The following CLIP4 variants were observed in gnomAD, a reference collection of about 807,000 sequenced individuals.
CLIP4 encodes CAP-Gly domain-containing linker protein 4.
CLIP4 carries 47 observed loss-of-function variants against 73.1 expected under a neutral mutation model. That is an observed-to-expected ratio of 0.64 (90% CI 0.51 to 0.82). The LOEUF (loss-of-function observed/expected upper bound fraction) is 0.82, where lower values mean the gene tolerates loss of function less well. CLIP4 is among the 40% of genes least tolerant of loss of function. The pLI is 0.00. For synonymous variants in CLIP4, 306 were observed against 295.4 expected (o/e 1.04, Z -0.37); for missense variants, 874 against 852.9 (o/e 1.02, Z -0.31).
At chr2:29,143,099 A>G (rs1665885676) in intron 6 of CLIP4, among the ~76,000 whole-genome samples, 1 of 152,230 alleles carries the variant, frequency 6.6e-6, no homozygotes, top group African/African-American at 2.4e-5. Context: ...GAGGTCACAG[A>G]GCCAAGAGGG....
intron 13 of CLIP4, 134 bp downstream of exon 13, chr2:29,164,088 C>T (rs1459628787): frequency 5.2e-6 from 4 of 763,234 alleles, no homozygotes; most frequent in East Asian, 2.7e-5. Flanking sequence ...AACCAACCAC[C>T]TTCTTCAGAG....
chr2:29,101,188 G>T (rs1013672685), intron 1 of CLIP4, among the ~76,000 whole-genome samples: 10 of 151,936 alleles, frequency 6.6e-5, no homozygotes, highest in African/African-American at 2.4e-4. Context: ...TACCTGGGAG[G>T]CTGAGGCAAG....
chr2:29,161,353 A>T (rs1013070280), intron 12 of CLIP4, among the ~76,000 whole-genome samples: 1 of 152,210 alleles, frequency 6.6e-6, no homozygotes, highest in Non-Finnish European at 1.5e-5. Flanking sequence ...GTATGTTTAG[A>T]TAGCAATATG....
At chr2:29,159,923 A>C (rs545623341) in intron 11 of CLIP4, among the ~76,000 whole-genome samples, 3 of 152,380 alleles carry the variant, frequency 2.0e-5, no homozygotes, top group Non-Finnish European at 4.4e-5. Flanking sequence ...CTGCAACAGC[A>C]GAGTTCAATA....
intron 2 of CLIP4, among the ~76,000 whole-genome samples, chr2:29,128,434 T>TA (rs199882141): frequency 0.012 from 1,820 of 149,914 alleles, 29 homozygotes; most frequent in African/African-American, 0.032. Context: ...ATGTAGTTGT[T>TA]AAAAAAAACA....
At chr2:29,155,121 A>G (rs1189875660) in intron 9 of CLIP4, among the ~76,000 whole-genome samples, 1 of 152,172 alleles carries the variant, frequency 6.6e-6, no homozygotes, top group African/African-American at 2.4e-5. Context: ...ATTTTAAGTA[A>G]TGTAACCACA....
chr2:29,169,015 TGA>T (rs1303265939), intron 14 of CLIP4, among the ~76,000 whole-genome samples: 8 of 152,112 alleles, frequency 5.3e-5, no homozygotes, highest in African/African-American at 1.9e-4. Flanking sequence ...ATGATTTGTA[TGA>T]TACCAATCCT....
chr2:29,159,922 C>G (rs188005949), intron 11 of CLIP4, among the ~76,000 whole-genome samples: 1 of 152,346 alleles, frequency 6.6e-6, no homozygotes, highest in Non-Finnish European at 1.5e-5. Flanking sequence ...GCTGCAACAG[C>G]AGAGTTCAAT....
rs1405498917 is a variant in CLIP4, at chr2:29,163,893, G to A, written c.1597G>A (p.Val533Met). 6 of 1,613,458 alleles carry A rather than the reference G, an allele frequency of 3.7e-6. No homozygotes were observed. Among genetic ancestry groups the A allele is most frequent in the Non-Finnish European group, 5.1e-6 (6 of 1,179,406 alleles). Residue 533 changes from valine (V) to methionine (M), a missense_variant, in exon 13 of 16, where the codon GTG becomes ATG. Coordinates refer to ENST00000320081, the MANE Select transcript of CLIP4 (RefSeq NM_024692.6). ...HGKNDGSVGG[V>M]QYFSCSPRYG... The stretch of plus-strand genomic sequence containing the variant: ...CAAGAATGATGGTTCAGTTGGAGGT[G>A]TGCAGTATTTTAGCTGTTCTCCAAG...
At chr2:29,144,690 C>T (rs1015361789) in intron 7 of CLIP4, among the ~76,000 whole-genome samples, 3 of 151,912 alleles carry the variant, frequency 2.0e-5, no homozygotes, top group African/African-American at 7.3e-5. Context: ...TCCCCTAGCC[C>T]TGTCCCTTCA....
chr2:29,145,541 C>T (rs182074581), intron 8 of CLIP4, among the ~76,000 whole-genome samples, 174 bp downstream of exon 8: 4 of 151,934 alleles, frequency 2.6e-5, no homozygotes, highest in African/African-American at 9.7e-5. Flanking sequence ...TTTACACTGA[C>T]GAGAGGCGAC....
intron 8 of CLIP4, among the ~76,000 whole-genome samples, chr2:29,148,834 T>C (rs185185753): frequency 1.3e-5 from 2 of 152,336 alleles, no homozygotes; most frequent in Admixed American, 1.3e-4. Context: ...GACTTGTTTT[T>C]GGTATAGCCT....
At chr2:29,179,489 A>G (rs1305902668) in intron 15 of CLIP4, among the ~76,000 whole-genome samples, 4 of 152,314 alleles carry the variant, frequency 2.6e-5, no homozygotes, top group African/African-American at 7.2e-5. Context: ...TCTGAGCCTC[A>G]TCTTTGCTCT....
chr2:29,109,103 A>T (rs2148440164), intron 1 of CLIP4, among the ~76,000 whole-genome samples: 1 of 152,354 alleles, frequency 6.6e-6, no homozygotes, highest in African/African-American at 2.4e-5. Context: ...TTTCTATAAA[A>T]TAATAGTTAT....
Position 29,101,811 on chromosome 2 carries a change from C to T in CLIP4, c.-16+3864C>T, listed in dbSNP as rs79138643. Reference sequence around the variant, plus strand: ...TTTTCCCAGGACCATTGGTTTTTGGCTTCACATATATCTCAAGCCAGATAC... The same window carrying T: ...TTTTCCCAGGACCATTGGTTTTTGGTTTCACATATATCTCAAGCCAGATAC... On this transcript the variant is annotated intron_variant, in intron 1 of 14. Coordinates refer to the CLIP4 transcript ENST00000401605. Among the ~76,000 whole-genome samples the T allele has an allele frequency of 7.3e-3, 1,113 of 152,204 alleles. 4 individuals are homozygous for T. Among genetic ancestry groups the T allele is most frequent in the Non-Finnish European group, 0.011 (742 of 68,000 alleles).
At chr2:29,157,393 T>G (rs770955396) in intron 11 of CLIP4, 46 bp downstream of exon 11, 24 of 1,613,610 alleles carry the variant, frequency 1.5e-5, no homozygotes, top group Non-Finnish European at 1.9e-5. Context: ...TTTTTTATCT[T>G]GGTTTGTTTG....
chr2:29,165,262 C>CTTTCTT (rs1667532199), intron 13 of CLIP4, among the ~76,000 whole-genome samples: 1 of 148,898 alleles, frequency 6.7e-6, no homozygotes, highest in Non-Finnish European at 1.5e-5. Context: ...TTCTTTCTTT[C>CTTTCTT]TTTTTTTTTT....
chr2:29,178,594 C>T (rs969360247), intron 15 of CLIP4, among the ~76,000 whole-genome samples: 8 of 152,088 alleles, frequency 5.3e-5, no homozygotes, highest in Non-Finnish European at 1.0e-4. Flanking sequence ...CTTCCTTCAG[C>T]GTGACTTTTG....
At chr2:29,148,658 A>G (rs1666337932) in intron 8 of CLIP4, among the ~76,000 whole-genome samples, 1 of 152,168 alleles carries the variant, frequency 6.6e-6, no homozygotes, top group Non-Finnish European at 1.5e-5. Context: ...TAATATCTGT[A>G]TTTGTAACTA....
Sources: gnomAD v4.1 joint callset for allele counts (sites outside exome capture counted in the v4.1 genomes callset) on GRCh38, gnomAD v4.1.1 for gene constraint, MANE v1.5 for transcripts, NCBI Gene and HGNC (gene_info 2026-07-23, HGNC 2026-07-21) for gene names.